HDAC9: variants seen among roughly 807,000 people sequenced by gnomAD.
HDAC9 encodes the protein histone deacetylase 9.
A neutral mutation model predicts 139.4 loss-of-function variants in HDAC9; 41 were observed. The ratio of observed to expected loss-of-function variants is 0.29; its 90% CI spans 0.23 to 0.38. HDAC9 has a LOEUF of 0.38. Ranked by LOEUF, HDAC9 falls within the 10% of genes least tolerant of loss-of-function variation. The probability of loss-of-function intolerance (pLI) is 1.00; values close to 1 mark genes in which losing one functional copy is unlikely to be tolerated. For synonymous variants in HDAC9, 517 were observed against 476.2 expected, an observed-to-expected ratio of 1.09 and a Z score of -1.12; for missense variants, 1,147 against 1,297.0, an observed-to-expected ratio of 0.88 and a Z score of 1.78.
At chr7:18,723,985 C>T (rs1056578378) in intron 12 of HDAC9, among the ~76,000 whole-genome samples, 6 of 152,068 alleles carry the variant, frequency 3.9e-5, no homozygotes, top group Non-Finnish European at 5.9e-5. Flanking sequence ...TCTGGTTCAA[C>T]GAGCTTTCAA....
chr7:18,285,811 T>C (rs1474890145), upstream of HDAC9, among the ~76,000 whole-genome samples: 1 of 152,106 alleles, frequency 6.6e-6, no homozygotes, highest in Non-Finnish European at 1.5e-5. Context: ...TTTATTTGAA[T>C]ATATGTCAAT....
chr7:18,246,141 AT>A (rs1164301551), intron 2 of HDAC9, among the ~76,000 whole-genome samples: 1 of 145,976 alleles, frequency 6.9e-6, no homozygotes, highest in Non-Finnish European at 1.5e-5. Context: ...GGAAATAGAT[AT>A]TATGGGAAAA....
Position 18,727,770 on chromosome 7 carries a change from A to T in HDAC9, c.1909+13A>T. On this transcript the variant is annotated intron_variant, in intron 13 of 25. Coordinates refer to ENST00000686413, the MANE Select transcript of HDAC9 (RefSeq NM_178425.4). ...GGCTCTGCAACTGGTAGGAATCCCT[A>T]AAGACTCTCTCTAATAGGCAGGCTA... 2 of 1,496,700 alleles carry T rather than the reference A, an allele frequency of 1.3e-6. No homozygotes were observed. The highest frequency in any genetic ancestry group is 1.8e-6 in the Non-Finnish European group (2 of 1,129,226). 92.7% of individuals were successfully genotyped at this position (1,496,700 alleles called of 1,614,324 possible).
intron 1 of HDAC9, among the ~76,000 whole-genome samples, chr7:18,343,344 TAACTTGGTATTTAAAATGTCCA>T (rs1348494248): frequency 6.6e-6 from 1 of 151,850 alleles, no homozygotes; most frequent in East Asian, 1.9e-4. Flanking sequence ...AGGTAATTAG[TAACTTGGTATTTAAAATGTCCA>T]AGGAAATTTA....
intron 1 of HDAC9, among the ~76,000 whole-genome samples, chr7:18,371,240 CA>C (rs66497245): frequency 0.014 from 2,169 of 152,260 alleles, 54 homozygotes; most frequent in African/African-American, 0.05. Flanking sequence ...TTTTCCCCTT[CA>C]AAAACAACTT....
At chr7:18,270,302 A>AC (rs1418724932) in intron 2 of HDAC9, among the ~76,000 whole-genome samples, 1 of 151,456 alleles carries the variant, frequency 6.6e-6, no homozygotes, top group Admixed American at 6.6e-5. Context: ...ATTAAACAAA[A>AC]AAAAAACTGT....
chr7:18,706,552 C>G (rs540123136), intron 12 of HDAC9, among the ~76,000 whole-genome samples: 1 of 152,296 alleles, frequency 6.6e-6, no homozygotes, highest in South Asian at 2.1e-4. Context: ...CTGGGCAAAA[C>G]TGATAAACAA....
chr7:18,158,451 T>C (rs889937649), intron 1 of HDAC9, among the ~76,000 whole-genome samples: 13 of 152,288 alleles, frequency 8.5e-5, no homozygotes, highest in African/African-American at 2.9e-4. Flanking sequence ...AGGCAATGTC[T>C]TGATGTTCAT....
chr7:18,473,140 G>C (rs779791840), intron 1 of HDAC9, among the ~76,000 whole-genome samples: 1 of 152,206 alleles, frequency 6.6e-6, no homozygotes, highest in South Asian at 2.1e-4. Context: ...GACAGGGATC[G>C]CCAGCATTAC....
chr7:18,598,507 T>C (rs148252353), intron 6 of HDAC9, among the ~76,000 whole-genome samples: 176 of 152,300 alleles, frequency 1.2e-3, no homozygotes, highest in African/African-American at 4.1e-3. Flanking sequence ...TTAACCTCTC[T>C]AGGCCACGAT....
intron 24 of HDAC9, among the ~76,000 whole-genome samples, chr7:18,970,564 AT>A: frequency 6.6e-6 from 1 of 152,300 alleles, no homozygotes; most frequent in Middle Eastern, 3.4e-3. Flanking sequence ...CCAATTTTCA[AT>A]GTGTCTTTAT....
chr7:18,837,733 G>T (rs112916153), intron 21 of HDAC9, among the ~76,000 whole-genome samples: 1 of 151,988 alleles, frequency 6.6e-6, no homozygotes, highest in African/African-American at 2.4e-5. Flanking sequence ...CAAAGTGAGC[G>T]GTGGATGAGA....
intron 2 of HDAC9, among the ~76,000 whole-genome samples, chr7:18,546,059 G>T (rs1814695857): frequency 6.6e-6 from 1 of 152,106 alleles, no homozygotes; most frequent in Non-Finnish European, 1.5e-5. Context: ...TATTCTGCAG[G>T]AATATGTGAA....
intron 1 of HDAC9, among the ~76,000 whole-genome samples, chr7:18,345,025 C>A (rs1192155134): frequency 6.6e-6 from 1 of 151,934 alleles, no homozygotes; most frequent in South Asian, 2.1e-4. Context: ...CTCACGGCCT[C>A]ACATCTTAAT....
At chr7:18,642,811 TGAGGTGGGAG>T (rs1416558842) in intron 8 of HDAC9, among the ~76,000 whole-genome samples, 10 of 152,044 alleles carry the variant, frequency 6.6e-5, no homozygotes, top group African/African-American at 2.4e-4. Flanking sequence ...GTTCCTGTGA[TGAGGTGGGAG>T]GATATCACAG....
intron 1 of HDAC9, among the ~76,000 whole-genome samples, chr7:18,373,300 T>A (rs1784735999): frequency 6.6e-6 from 1 of 152,130 alleles, no homozygotes. Flanking sequence ...TATTTCAAGT[T>A]ATAGTTTATG....
intron 14 of HDAC9, among the ~76,000 whole-genome samples, chr7:18,755,786 C>T (rs1788823783): frequency 6.6e-6 from 1 of 152,036 alleles, no homozygotes; most frequent in Non-Finnish European, 1.5e-5. Flanking sequence ...TTCTGAAGTG[C>T]TTTAGAAATG....
intron 2 of HDAC9, among the ~76,000 whole-genome samples, chr7:18,560,366 T>C (rs1820202941): frequency 6.6e-6 from 1 of 152,182 alleles, no homozygotes; most frequent in South Asian, 2.1e-4. Flanking sequence ...ATTCACTCTA[T>C]ACATATTAAT....
At position 18,113,730 on chromosome 7, in the gene HDAC9, A is replaced by G. The variant is rs572011660; in HGVS notation, c.-97+26517A>G. Among the ~76,000 whole-genome samples the G allele has an allele frequency of 2.6e-5, 4 of 152,338 alleles. No individual in the cohort carries two copies. The East Asian group carries it at 7.7e-4, about 29-fold the overall frequency. On this transcript the variant is annotated intron_variant, in intron 1 of 12. Coordinates refer to the HDAC9 transcript ENST00000417496. ...ATTTTGCTTACACTGTCTTAGTTCT[A>G]TTAGTTTTCCTGTATTAAAATTTGC...
Sources: gnomAD v4.1 joint callset for allele counts (sites outside exome capture counted in the v4.1 genomes callset) on GRCh38, gnomAD v4.1.1 for gene constraint, MANE v1.5 for transcripts, NCBI Gene and HGNC (gene_info 2026-07-23, HGNC 2026-07-21) for gene names.